The following PPA1 variants were observed in gnomAD, a reference collection of about 807,000 sequenced individuals.
PPA1 encodes the protein inorganic pyrophosphatase 1, also known as inorganic pyrophosphatase.
PPA1 carries 23 observed loss-of-function variants against 41.8 expected under a neutral mutation model. That is an observed-to-expected ratio of 0.55 (90% CI 0.40 to 0.78). The LOEUF is 0.78. Among genes scored for constraint, PPA1 ranks in the 30% least tolerant of loss-of-function variants. The probability of loss-of-function intolerance (pLI) is 0.00; values close to 1 mark genes in which losing one functional copy is unlikely to be tolerated. For missense variants in PPA1, 320 were observed against 361.6 expected, an observed-to-expected ratio of 0.89 and a Z score of 0.93; for synonymous variants, 101 against 116.8, an observed-to-expected ratio of 0.86 and a Z score of 0.87.
chr10:70,216,865 C>T (rs1055765585), intron 4 of PPA1, among the ~76,000 whole-genome samples: 1 of 152,054 alleles, frequency 6.6e-6, no homozygotes, highest in African/African-American at 2.4e-5. Flanking sequence ...GGTAAACAAC[C>T]CTTCTCAAAA....
intron 10 of PPA1, 156 bp downstream of exon 10, chr10:70,204,717 C>T (rs1196574812): frequency 3.5e-6 from 2 of 565,916 alleles, no homozygotes; most frequent in Non-Finnish European, 6.0e-6. Flanking sequence ...CGTAATTAGC[C>T]AGATTTAATC....
intron 2 of PPA1, among the ~76,000 whole-genome samples, chr10:70,226,227 A>G (rs1340022762): frequency 1.3e-5 from 2 of 152,224 alleles, no homozygotes; most frequent in Non-Finnish European, 2.9e-5. Context: ...GCTACTACAC[A>G]CTACCATATG....
intron 2 of PPA1, among the ~76,000 whole-genome samples, chr10:70,225,950 A>G (rs1840225108): frequency 6.6e-6 from 1 of 152,188 alleles, no homozygotes; most frequent in South Asian, 2.1e-4. Context: ...TCTATTTGAG[A>G]AGCTATCAGA....
At chr10:70,204,376 G>A (rs1246391302) in intron 10 of PPA1, 1 of 152,866 alleles carries the variant, frequency 6.5e-6, no homozygotes, top group Non-Finnish European at 1.5e-5. Context: ...CTGGGTGACA[G>A]AGTGACAGCC....
intron 1 of PPA1, among the ~76,000 whole-genome samples, chr10:70,231,688 T>C (rs749327177): frequency 6.6e-6 from 1 of 152,244 alleles, no homozygotes; most frequent in Non-Finnish European, 1.5e-5. Context: ...TAAAAAAGTT[T>C]ATTTCTATTA....
At chr10:70,221,055 A>ATT (rs1232241016) in intron 2 of PPA1, among the ~76,000 whole-genome samples, 1 of 41,668 alleles carries the variant, frequency 2.4e-5, no homozygotes, top group African/African-American at 2.2e-4. Flanking sequence ...ATATATATAT[A>ATT]ATTTATATAT....
intron 2 of PPA1, among the ~76,000 whole-genome samples, chr10:70,224,246 CAAAAAAAA>C (rs58480019): frequency 1.4e-5 from 1 of 69,460 alleles, no homozygotes; most frequent in East Asian, 4.1e-4. Context: ...CCTGTCTCTA[CAAAAAAAA>C]AAAAAAAAAA....
chr10:70,209,618 A>T lies in PPA1; in HGVS notation c.579T>A (p.Tyr193Ter), dbSNP rs775724776. 1 of 1,608,566 alleles carries T rather than the reference A, an allele frequency of 6.2e-7. No individual in the cohort carries two copies. The highest frequency in any genetic ancestry group is 1.1e-5 in the South Asian group (1 of 89,670). The change falls in exon 7 of 11, where the codon TAT becomes TAA. Residue 193 changes from tyrosine to a stop codon, truncating the protein, a stop_gained. Coordinates refer to ENST00000373232, the MANE Select transcript of PPA1 (RefSeq NM_021129.4). LOFTEE classifies it high-confidence loss of function. Reference protein sequence around the residue: ...LEATVDWFRRYKVPDGKPENE... With the variant: ...LEATVDWFRR ...TTTCTGGTTTTCCATCAGGAACCTT[A>T]TACCTTCTAAACCAGTCCACAGTAG...
At chr10:70,220,253 C>A (rs1336039546) in intron 2 of PPA1, among the ~76,000 whole-genome samples, 7 of 119,908 alleles carry the variant, frequency 5.8e-5, no homozygotes, top group Admixed American at 9.5e-5. Flanking sequence ...ATAAAAAGTA[C>A]TTTTTTTTTT....
intron 2 of PPA1, among the ~76,000 whole-genome samples, chr10:70,220,127 G>C (rs1268009555): frequency 6.6e-6 from 1 of 151,430 alleles, no homozygotes; most frequent in Non-Finnish European, 1.5e-5. Flanking sequence ...ATGGAGTTTC[G>C]CCATGTTGGC....
intron 1 of PPA1, among the ~76,000 whole-genome samples, chr10:70,232,367 C>T (rs1840297705): frequency 6.6e-6 from 1 of 152,118 alleles, no homozygotes; most frequent in African/African-American, 2.4e-5. Context: ...ATAATCTACT[C>T]CTAGTAGCTG....
chr10:70,221,043 A>T (rs1840155481), intron 2 of PPA1, among the ~76,000 whole-genome samples: 1 of 61,342 alleles, frequency 1.6e-5, no homozygotes, highest in African/African-American at 1.1e-4. Context: ...TATATAAATT[A>T]TATATATATA....
At chr10:70,233,175 C>T in intron 1 of PPA1, 89 bp downstream of exon 1, 2 of 1,407,456 alleles carry the variant, frequency 1.4e-6, no homozygotes, top group Non-Finnish European at 9.4e-7. Flanking sequence ...GACCTGGGGC[C>T]GAGCGCGGGC....
Position 70,209,572 on chromosome 10 carries a change from C to A in PPA1, c.625G>T (p.Glu209Ter). 6.2e-7 allele frequency: 1 copy of A among 1,602,040 alleles called. No homozygotes were observed. Among genetic ancestry groups the A allele is most frequent in the Non-Finnish European group, 8.5e-7 (1 of 1,177,308 alleles). The change falls in exon 7 of 11, where the codon GAA becomes TAA. Residue 209 changes from glutamate to a stop codon, truncating the protein, a stop_gained. Coordinates refer to ENST00000373232, the MANE Select transcript of PPA1 (RefSeq NM_021129.4). LOFTEE classifies it high-confidence loss of function. ...TGACATATTACCTTATCTTTAAATT[C>A]TGCATTAAACGCAAACTCATTTTCT... ...KPENEFAFNAEFKDKDFAIDI... is the reference protein window; with the variant it reads ...KPENEFAFNA
intron 6 of PPA1, among the ~76,000 whole-genome samples, chr10:70,212,076 C>T (rs941247701): frequency 6.6e-6 from 1 of 152,214 alleles, no homozygotes; most frequent in Non-Finnish European, 1.5e-5. Flanking sequence ...AAGTCATCCT[C>T]TCCTCTCCCT....
chr10:70,209,866 C>T (rs1839997150), intron 6 of PPA1, 181 bp from the exon 7 acceptor site: 2 of 682,384 alleles, frequency 2.9e-6, no homozygotes, highest in Admixed American at 3.2e-5. Context: ...GAGCGAAGCC[C>T]CTTGTTGAGA....
rs188899221 is a variant in PPA1 at position 70,219,180 on chromosome 10, G to A, written c.124-363C>T. Among the ~76,000 whole-genome samples, 45 of 152,246 alleles carry A rather than the reference G, an allele frequency of 3.0e-4. 2 individuals carry two copies. Among genetic ancestry groups the A allele is most frequent in the African/African-American group, 1.0e-3 (43 of 41,534 alleles). On this transcript the variant is annotated intron_variant, in intron 2 of 10. Coordinates refer to ENST00000373232, the MANE Select transcript of PPA1 (RefSeq NM_021129.4). The stretch of plus-strand genomic sequence containing the variant: ...CACCTCCCAAAGTGCTAGGATTACA[G>A]GTGTGAGCCATCTTGCCCAGCCAAC...
intron 2 of PPA1, among the ~76,000 whole-genome samples, chr10:70,225,324 C>A (rs1195789947): frequency 6.6e-6 from 1 of 152,002 alleles, no homozygotes; most frequent in Admixed American, 6.6e-5. Context: ...CTCAAGTGAT[C>A]CTCCTACCTC....
Position 70,220,117 on chromosome 10 carries a change from A to G in PPA1, c.124-1300T>C, listed in dbSNP as rs548799975. 1.2e-3 allele frequency among the ~76,000 whole-genome samples: 187 copies of G among 151,862 alleles called. 1 individual carries two copies. The highest frequency in any genetic ancestry group is 4.3e-3 in the African/African-American group (179 of 41,390). On this transcript the variant is annotated intron_variant, in intron 2 of 10. Coordinates refer to ENST00000373232, the MANE Select transcript of PPA1 (RefSeq NM_021129.4). The stretch of plus-strand genomic sequence containing the variant: ...GCTAATTTTTGTATTTTTAGTAGAG[A>G]TGGAGTTTCGCCATGTTGGCCAGGC...
Sources: allele counts gnomAD v4.1 joint callset (sites outside exome capture counted in the v4.1 genomes callset), GRCh38; gene constraint gnomAD v4.1.1; transcripts MANE v1.5; gene names NCBI Gene and HGNC (gene_info 2026-07-23, HGNC 2026-07-21).